Variants in CDH13 observed in about 807,000 individuals in gnomAD.
The protein encoded by CDH13 is cadherin-13.
A neutral mutation model predicts 63.8 loss-of-function variants in CDH13; 24 were observed. The observed-to-expected ratio is 0.38, with a 90% CI of 0.27 to 0.53. The LOEUF (loss-of-function observed/expected upper bound fraction) is 0.53, where lower values mean the gene tolerates loss of function less well. Among genes scored for constraint, CDH13 ranks in the 20% least tolerant of loss-of-function variants. The pLI is 0.85. For synonymous variants in CDH13, 503 were observed against 355.3 expected (o/e 1.42, Z -4.67); for missense variants, 1,049 against 903.1 (o/e 1.16, Z -2.07).
intron 2 of CDH13, among the ~76,000 whole-genome samples, chr16:82,928,267 C>G (rs2042368665): frequency 6.6e-6 from 1 of 151,994 alleles, no homozygotes; most frequent in South Asian, 2.1e-4. Flanking sequence ...ATTCATTTGA[C>G]CAGTCCTGTA....
rs536034081 is a variant in CDH13 at position 82,731,569 on chromosome 16, AC to A, written c.45+104433del. On this transcript the variant is annotated intron_variant, in intron 1 of 13. Transcript: ENST00000567109. ...ACATTGACAAATAAGTGAAATTCTG[AC>A]TTAGGTCATTGGTTTATTTTCAATC... 5.9e-5 allele frequency among the ~76,000 whole-genome samples: 9 copies of A among 152,344 alleles called. No individual in the cohort carries two copies. In the South Asian group the frequency reaches 1.7e-3, roughly 28 times the overall value.
At chr16:83,021,454 C>G (rs936505724) in intron 2 of CDH13, among the ~76,000 whole-genome samples, 29 of 152,268 alleles carry the variant, frequency 1.9e-4, no homozygotes, top group African/African-American at 7.0e-4. Flanking sequence ...GACACACATA[C>G]AAAACAAAGA....
chr16:83,224,453 C>T (rs1373905550), intron 5 of CDH13, among the ~76,000 whole-genome samples: 1 of 152,238 alleles, frequency 6.6e-6, no homozygotes, highest in African/African-American at 2.4e-5. Flanking sequence ...AGGTAACAGG[C>T]TTACACCTAG....
At chr16:83,148,632 A>G (rs1331536882) in intron 4 of CDH13, among the ~76,000 whole-genome samples, 7 of 152,234 alleles carry the variant, frequency 4.6e-5, no homozygotes, top group African/African-American at 1.7e-4. Flanking sequence ...ATTCCAGTAC[A>G]TGGTAAACTC....
At position 82,627,156 on chromosome 16, in the gene CDH13, C is replaced by T. The variant is rs779991715; in HGVS notation, c.45+19C>T. On this transcript the variant is annotated intron_variant, in intron 1 of 13. Transcript: ENST00000567109. ...GTCCCAGGTAGGGAAGAGGGGCTGC[C>T]GGGCGCGCTCTGCGCCCCGTTTCTG... The T allele has an allele frequency of 7.5e-6, 12 of 1,596,736 alleles. No homozygotes were observed. The South Asian group carries it at 1.2e-4, about 17-fold the overall frequency.
chr16:83,401,452 C>T (rs2091966856), intron 6 of CDH13, among the ~76,000 whole-genome samples: 1 of 151,956 alleles, frequency 6.6e-6, no homozygotes, highest in African/African-American at 2.4e-5. Flanking sequence ...GCAGAGGTTG[C>T]AGTGAGCTGA....
intron 3 of CDH13, among the ~76,000 whole-genome samples, chr16:83,035,541 C>T (rs371428086): frequency 6.6e-6 from 1 of 152,146 alleles, no homozygotes; most frequent in African/African-American, 2.4e-5. Flanking sequence ...GCACAAAGAG[C>T]CAAGTGACAT....
At chr16:82,964,486 T>C (rs1907519150) in intron 2 of CDH13, among the ~76,000 whole-genome samples, 1 of 152,156 alleles carries the variant, frequency 6.6e-6, no homozygotes, top group African/African-American at 2.4e-5. Context: ...GAGGAGATAA[T>C]TGTCCACATT....
intron 8 of CDH13, among the ~76,000 whole-genome samples, chr16:83,657,859 CATATCCTCACCA>C (rs1318144559): frequency 1.7e-4 from 26 of 151,652 alleles, no homozygotes; most frequent in African/African-American, 5.6e-4. Flanking sequence ...CAGCAGGTCC[CATATCCTCACCA>C]GCAAGGTCCC....
chr16:83,187,101 G>A (rs543514734), intron 4 of CDH13, among the ~76,000 whole-genome samples: 5 of 152,190 alleles, frequency 3.3e-5, no homozygotes, highest in Non-Finnish European at 7.4e-5. Context: ...CTCCTGAGTA[G>A]CTGGGACTAC....
At chr16:82,992,880 TG>T (rs1287635073) in intron 2 of CDH13, among the ~76,000 whole-genome samples, 20 of 152,192 alleles carry the variant, frequency 1.3e-4, no homozygotes, top group African/African-American at 4.8e-4. Flanking sequence ...ATGAAGATGC[TG>T]GTTAGGCATG....
chr16:83,619,617 G>C (rs1567809402), intron 8 of CDH13, among the ~76,000 whole-genome samples: 1 of 152,182 alleles, frequency 6.6e-6, no homozygotes, highest in Non-Finnish European at 1.5e-5. Context: ...CTGGGCTTGT[G>C]CATGAGCACG....
intron 1 of CDH13, among the ~76,000 whole-genome samples, chr16:82,788,217 G>A (rs921217278): frequency 1.3e-5 from 2 of 152,186 alleles, no homozygotes; most frequent in African/African-American, 4.8e-5. Flanking sequence ...CCTCTGCACA[G>A]GCGTTGTATA....
intron 7 of CDH13, among the ~76,000 whole-genome samples, chr16:83,511,083 T>TGC (rs1387540849): frequency 7.2e-4 from 83 of 114,606 alleles, no homozygotes; most frequent in African/African-American, 3.0e-3. Flanking sequence ...CATGCACGCA[T>TGC]GCACACACAC....
At chr16:83,678,754 C>A (rs569487730) in intron 10 of CDH13, among the ~76,000 whole-genome samples, 1 of 152,120 alleles carries the variant, frequency 6.6e-6, no homozygotes, top group African/African-American at 2.4e-5. Context: ...AGTCCTTGAA[C>A]GGAGAGAGAA....
intron 2 of CDH13, among the ~76,000 whole-genome samples, chr16:82,898,961 G>A (rs1204480313): frequency 1.3e-5 from 2 of 152,362 alleles, no homozygotes; most frequent in South Asian, 2.1e-4. Flanking sequence ...CAAAACCTTG[G>A]ATGAGGCAGC....
chr16:83,059,148 T>A (rs1422833546), intron 3 of CDH13, among the ~76,000 whole-genome samples: 1 of 152,090 alleles, frequency 6.6e-6, no homozygotes, highest in African/African-American at 2.4e-5. Flanking sequence ...ATTTCTGAGG[T>A]TGCTTCTGTA....
intron 8 of CDH13, among the ~76,000 whole-genome samples, chr16:83,647,436 C>A (rs1343844250): frequency 6.6e-6 from 1 of 152,184 alleles, no homozygotes; most frequent in Admixed American, 6.5e-5. Context: ...AGTTTCTCCC[C>A]CATTTTGCTT....
intron 6 of CDH13, among the ~76,000 whole-genome samples, chr16:83,400,502 C>A (rs1387817308): frequency 1.3e-5 from 2 of 152,178 alleles, no homozygotes. Flanking sequence ...TGAACTCATG[C>A]AATTTGGCAA....
Sources: allele counts gnomAD v4.1 joint callset (sites outside exome capture counted in the v4.1 genomes callset), GRCh38; gene constraint gnomAD v4.1.1; transcripts MANE v1.5; gene names NCBI Gene and HGNC (gene_info 2026-07-23, HGNC 2026-07-21).